The following BCL11A variants were observed in gnomAD, a reference collection of about 807,000 sequenced individuals.
The protein encoded by BCL11A is BCL11 transcription factor A.
BCL11A carries 2 observed loss-of-function variants against 55.9 expected under a neutral mutation model. The observed-to-expected ratio is 0.04, with a 90% confidence interval of 0.01 to 0.11. The LOEUF is 0.11. BCL11A is among the 10% of genes least tolerant of loss of function. BCL11A has a pLI of 1.00. For synonymous variants in BCL11A, 465 were observed against 473.4 expected (o/e 0.98, Z 0.23); for missense variants, 817 against 1,137.1 (o/e 0.72, Z 4.05).
intron 3 of BCL11A, among the ~76,000 whole-genome samples, chr2:60,468,023 G>A (rs892208927): frequency 7.5e-5 from 5 of 66,712 alleles, no homozygotes; most frequent in Admixed American, 2.4e-4. Context: ...GGTGGTGGTG[G>A]TAGTGGTGGT....
intron 2 of BCL11A, among the ~76,000 whole-genome samples, chr2:60,473,522 T>G (rs1186141015): frequency 6.6e-6 from 1 of 152,190 alleles, no homozygotes; most frequent in Non-Finnish European, 1.5e-5. Flanking sequence ...TAAAGTACCC[T>G]GAAGGAACCC....
rs1670156346 is a variant in BCL11A, at chr2:60,546,330, T to C, written c.56-30A>G. 1 of 1,593,186 alleles carries C rather than the reference T, an allele frequency of 6.3e-7. No individual in the cohort carries two copies. Among genetic ancestry groups the C allele is most frequent in the Non-Finnish European group, 8.6e-7 (1 of 1,164,682 alleles). ...GGTTGGAGAAACAAAAGCACAATTA[T>C]TAGAGTGCCAGAGAGGACAGAAAGG... is the stretch of plus-strand genomic sequence containing the variant. On this transcript the variant is annotated intron_variant, in intron 1 of 3. Coordinates refer to ENST00000642384, the MANE Select transcript of BCL11A (RefSeq NM_022893.4). The surrounding 1 kb of genome is among the most constrained non-coding windows in gnomAD (Gnocchi z 4.1).
At chr2:60,472,957 G>C (rs1459824145) in intron 2 of BCL11A, among the ~76,000 whole-genome samples, 1 of 146,150 alleles carries the variant, frequency 6.8e-6, no homozygotes, top group Non-Finnish European at 1.6e-5. Context: ...GGAGTACATA[G>C]ATGTGTGCTA....
chr2:60,550,792 C>G lies in BCL11A; in HGVS notation c.55+2424G>C, dbSNP rs1396384007. ...TGCGCGCCCCGGTCTGTCCTTTGAG[C>G]CCCCACTGCATCCTTCCGAAGAAGG... On this transcript the variant is annotated intron_variant, in intron 1 of 3. Coordinates refer to ENST00000642384, the MANE Select transcript of BCL11A (RefSeq NM_022893.4). 4 of 398,952 alleles carry G rather than the reference C, an allele frequency of 1.0e-5. No individual in the cohort carries two copies. In the Admixed American group the frequency reaches 1.3e-4, roughly 13 times the overall value. The allele number at this position is 398,952 out of a possible 1,614,324, so 24.7% of individuals were successfully genotyped here.
At chr2:60,530,231 G>T (rs1669385688) in intron 2 of BCL11A, among the ~76,000 whole-genome samples, 1 of 150,938 alleles carries the variant, frequency 6.6e-6, no homozygotes, top group Admixed American at 6.6e-5. Context: ...CCCACCCCTG[G>T]CCTTTCTTGA....
chr2:60,508,490 A>G (rs1445687631), intron 2 of BCL11A: 1 of 152,280 alleles, frequency 6.6e-6, no homozygotes. Context: ...AAGGAATGCA[A>G]CTGGGAGGTT....
At chr2:60,514,468 C>T (rs1668636538) in intron 2 of BCL11A, among the ~76,000 whole-genome samples, 1 of 148,064 alleles carries the variant, frequency 6.8e-6, no homozygotes, top group Non-Finnish European at 1.5e-5. Flanking sequence ...ACCAGCCTAG[C>T]CAACATGGTG....
chr2:60,553,127 A>G, intron 1 of BCL11A, 89 bp downstream of exon 1: 1 of 1,365,226 alleles, frequency 7.3e-7, no homozygotes, highest in Non-Finnish European at 9.9e-7. Context: ...ATGCATGCAC[A>G]CACCCCTCTC....
chr2:60,509,138 A>G (rs186175095), intron 2 of BCL11A, among the ~76,000 whole-genome samples: 4 of 152,344 alleles, frequency 2.6e-5, no homozygotes, highest in Admixed American at 2.6e-4. Context: ...AGAAACAAGA[A>G]AGCAATTTGT....
At chr2:60,549,436 GAAAAGCAAAGAAAC>G (rs1195837107) in intron 1 of BCL11A, among the ~76,000 whole-genome samples, 1 of 152,220 alleles carries the variant, frequency 6.6e-6, no homozygotes, top group East Asian at 1.9e-4. Context: ...ATTCAGAGAG[GAAAAGCAAAGAAAC>G]AAAAGCAAAG....
In BCL11A at chr2:60,546,854, A is replaced by G. The variant is rs1670181103; in HGVS notation, c.56-554T>C. The stretch of plus-strand genomic sequence containing the variant: ...ACAGACATGGCTTCATAAATTAGAA[A>G]GCTACTATGTCACATGAAAAATGTG... On this transcript the variant is annotated intron_variant, in intron 1 of 3. Transcript: ENST00000642384. The surrounding 1 kb of genome is among the most constrained non-coding windows in gnomAD (Gnocchi z 4.1). 6.6e-6 allele frequency among the ~76,000 whole-genome samples: 1 copy of G among 152,226 alleles called. No homozygotes were observed. Among genetic ancestry groups the G allele is most frequent in the African/African-American group, 2.4e-5 (1 of 41,454 alleles).
chr2:60,548,061 C>T (rs1670232000), intron 1 of BCL11A, among the ~76,000 whole-genome samples: 1 of 152,140 alleles, frequency 6.6e-6, no homozygotes, highest in South Asian at 2.1e-4. Context: ...AACAGAAGTG[C>T]CTCTGCATTG....
chr2:60,462,381 C>T lies in BCL11A; in HGVS notation c.531G>A (p.Gln177=), dbSNP rs1439012951. ...AGAGAAACCATGCACTGGTGAATGG[C>T]TGTTTGCAAGTTGTACATGTGTAGC... is the stretch of plus-strand genomic sequence containing the variant. ...PSSYTCTTCK[Q]PFTSAWFLLQ... Residue 177 remains glutamine (Q), a synonymous_variant, in exon 4 of 4, where the codon CAG becomes CAA. Transcript: ENST00000642384. 2 of 1,612,430 alleles carry T rather than the reference C, an allele frequency of 1.2e-6. No individual in the cohort carries two copies. The highest frequency in any genetic ancestry group is 1.7e-6 in the Non-Finnish European group (2 of 1,179,164).
At chr2:60,521,909 A>G (rs1006016471) in intron 2 of BCL11A, among the ~76,000 whole-genome samples, 1 of 152,210 alleles carries the variant, frequency 6.6e-6, no homozygotes, top group African/African-American at 2.4e-5. Flanking sequence ...CTGTTCTTCC[A>G]GGAGAATGGG....
chr2:60,479,830 G>C (rs1433947845), intron 2 of BCL11A, among the ~76,000 whole-genome samples: 1 of 152,206 alleles, frequency 6.6e-6, no homozygotes, highest in Non-Finnish European at 1.5e-5. Flanking sequence ...ATCAGCGTGG[G>C]ACAGGTTCTT....
At chr2:60,553,162 C>T in intron 1 of BCL11A, 54 bp downstream of exon 1, 1 of 1,548,762 alleles carries the variant, frequency 6.5e-7, no homozygotes, top group Non-Finnish European at 8.7e-7. Flanking sequence ...GCTTCTAGTC[C>T]TGCGCGCTCT....
chr2:60,453,864 T>C (rs774828644), downstream of BCL11A, among the ~76,000 whole-genome samples: 1 of 152,180 alleles, frequency 6.6e-6, no homozygotes, highest in African/African-American at 2.4e-5. Flanking sequence ...CTTGAAATAG[T>C]TTTTGCCACT....
At chr2:60,503,802 A>G (rs1341246368) in intron 2 of BCL11A, among the ~76,000 whole-genome samples, 1 of 152,246 alleles carries the variant, frequency 6.6e-6, no homozygotes, top group East Asian at 1.9e-4. Context: ...TGCAAGGGAC[A>G]ATATTCTGGA....
chr2:60,513,459 C>G (rs1668579450), intron 2 of BCL11A, among the ~76,000 whole-genome samples: 1 of 152,194 alleles, frequency 6.6e-6, no homozygotes, highest in Non-Finnish European at 1.5e-5. Context: ...AAGCCAGCCA[C>G]CCCATGGGAA....
Sources: gnomAD v4.1 joint callset for allele counts (sites outside exome capture counted in the v4.1 genomes callset) on GRCh38, gnomAD v4.1.1 for gene constraint, Gnocchi (gnomAD v3.1) non-coding constraint, MANE v1.5 for transcripts, NCBI Gene and HGNC (gene_info 2026-07-23, HGNC 2026-07-21) for gene names.